Variants in NCOR2 observed in about 807,000 individuals in gnomAD.
NCOR2 encodes the protein CTG repeat protein 26.
In NCOR2, 81 loss-of-function variants were observed where a neutral mutation model predicts 262.9. The ratio of observed to expected loss-of-function variants is 0.31; its 90% CI spans 0.26 to 0.37. The LOEUF (loss-of-function observed/expected upper bound fraction) is 0.37. Among genes scored for constraint, NCOR2 ranks in the 10% least tolerant of loss-of-function variants. The pLI is 1.00. For synonymous variants in NCOR2, 1,659 were observed against 1,559.3 expected (o/e 1.06, Z -1.51); for missense variants, 3,385 against 3,621.4 (o/e 0.93, Z 1.68).
chr12:124,332,218 G>T, intron 43 of NCOR2, 101 bp downstream of exon 45: 2 of 1,453,700 alleles, frequency 1.4e-6, no homozygotes, highest in Non-Finnish European at 1.9e-6. Flanking sequence ...GCTTTCGAAG[G>T]TGCACCGTGG....
At chr12:124,384,618 C>T (rs2040656497) in intron 17 of NCOR2, among the ~76,000 whole-genome samples, 1 of 152,156 alleles carries the variant, frequency 6.6e-6, no homozygotes, top group African/African-American at 2.4e-5. Context: ...CTGCACAGTG[C>T]TTGGGCGGAG....
At chr12:124,565,609 T>C (rs2052212802) in intron 1 of NCOR2, among the ~76,000 whole-genome samples, 1 of 145,674 alleles carries the variant, frequency 6.9e-6, no homozygotes, top group African/African-American at 2.6e-5. Context: ...CCAGACCACG[T>C]TGGATTAAAG....
chr12:124,340,157 T>TGCTGCTGCCCCCCCCCCCGCC, exon 37 of NCOR2: 1 of 1,563,946 alleles, frequency 6.4e-7, no homozygotes, highest in South Asian at 1.1e-5. Flanking sequence ...GCGGGGCGGC[T>TGCTGCTGCCCCCCCCCCCGCC]GCTGCTGCCC....
rs1283375346 is a variant in NCOR2, at chr12:124,566,071, C to G, written c.-165+1237G>C. Among the ~76,000 whole-genome samples, 1 of 152,222 alleles carries G rather than the reference C, an allele frequency of 6.6e-6. No homozygotes were observed. Among genetic ancestry groups the G allele is most frequent in the Non-Finnish European group, 1.5e-5 (1 of 68,030 alleles). On this transcript the variant is annotated intron_variant, in intron 1 of 32. Coordinates refer to the NCOR2 transcript ENST00000458234. The surrounding 1 kb of genome is among the most constrained non-coding windows in gnomAD (Gnocchi z 4.3). ...CAAGGCCACCGGTAACACATCCCAACGCGCCCAGAACTCCCCCACCCCGCC... is the reference window on the plus strand; with the variant it reads ...CAAGGCCACCGGTAACACATCCCAAGGCGCCCAGAACTCCCCCACCCCGCC...
intron 12 of NCOR2, among the ~76,000 whole-genome samples, chr12:124,420,587 C>T (rs2043151267): frequency 6.6e-6 from 1 of 152,216 alleles, no homozygotes. Context: ...CGCGCCTCTT[C>T]CTGGGTTTCC....
chr12:124,505,297 G>A (rs921591097), intron 1 of NCOR2, among the ~76,000 whole-genome samples: 8 of 152,042 alleles, frequency 5.3e-5, no homozygotes, highest in Non-Finnish European at 8.8e-5. Flanking sequence ...GGGGCCCCCC[G>A]GTGCCATGGC....
chr12:124,519,278 T>C (rs974045437), intron 1 of NCOR2, among the ~76,000 whole-genome samples: 21 of 152,054 alleles, frequency 1.4e-4, no homozygotes, highest in Middle Eastern at 3.2e-3. Context: ...CTCCAAGTGC[T>C]CTGGAAAGCA....
At chr12:124,366,609 C>T (rs978533687) in intron 20 of NCOR2, among the ~76,000 whole-genome samples, 2 of 152,124 alleles carry the variant, frequency 1.3e-5, no homozygotes, top group Non-Finnish European at 1.5e-5. Flanking sequence ...TGGGCTCACG[C>T]AATCCTCCCA....
At chr12:124,364,752 T>A (rs1321041547) in intron 20 of NCOR2, among the ~76,000 whole-genome samples, 1 of 152,168 alleles carries the variant, frequency 6.6e-6, no homozygotes, top group African/African-American at 2.4e-5. Context: ...CTGGATCTGC[T>A]CCAGCCTGAG....
intron 1 of NCOR2, among the ~76,000 whole-genome samples, chr12:124,508,292 T>C (rs752191277): frequency 6.6e-5 from 10 of 152,322 alleles, no homozygotes; most frequent in East Asian, 1.9e-4. Flanking sequence ...CCCAGGGGCA[T>C]TGATCAATAA....
In NCOR2 at chr12:124,519,089, T is replaced by TACACAC. The variant is rs57438929; in HGVS notation, c.-118+16470_-118+16475dup. Among the ~76,000 whole-genome samples the TACACAC allele has an allele frequency of 7.0e-4, 68 of 97,308 alleles. 1 individual carries two copies. Among genetic ancestry groups the TACACAC allele is most frequent in the African/African-American group, 1.9e-3 (54 of 28,838 alleles). 63.8% of individuals were successfully genotyped at this position (97,308 alleles called of 152,430 possible). On this transcript the variant is annotated intron_variant, in intron 1 of 46. Transcript: ENST00000404621. ...TAGAAAAGAAGACGTGGCCAAATAA[T>TACACAC]ACACACACACACACACACACACACA...
At chr12:124,413,934 C>G (rs1328810341) in intron 13 of NCOR2, among the ~76,000 whole-genome samples, 1 of 150,354 alleles carries the variant, frequency 6.7e-6, no homozygotes, top group Non-Finnish European at 1.5e-5. Flanking sequence ...CCCCCCACCC[C>G]AGGACTCCCA....
chr12:124,477,401 G>A (rs902508580), intron 3 of NCOR2, among the ~76,000 whole-genome samples: 2 of 152,212 alleles, frequency 1.3e-5, no homozygotes, highest in Admixed American at 6.5e-5. Context: ...GCAGAACTGT[G>A]AGTCAACTAA....
intron 13 of NCOR2, among the ~76,000 whole-genome samples, chr12:124,404,422 C>T (rs1471498597): frequency 6.6e-6 from 1 of 152,232 alleles, no homozygotes; most frequent in Admixed American, 6.5e-5. Context: ...TGTGGCGTCC[C>T]TCCCGATGGG....
intron 27 of NCOR2, among the ~76,000 whole-genome samples, chr12:124,353,582 T>G (rs530803464): frequency 1.6e-4 from 25 of 152,336 alleles, no homozygotes; most frequent in Middle Eastern, 3.4e-3. Flanking sequence ...CACAAAACCT[T>G]GGGTCCACAG....
At chr12:124,350,728 C>T (rs754887514) in exon 28 of NCOR2, 1 of 1,611,162 alleles carries the variant, frequency 6.2e-7, no homozygotes. Flanking sequence ...AGGACGTCAG[C>T]TGGCGTGCCC....
At position 124,389,524 on chromosome 12, in the gene NCOR2, CAG is replaced by C. The variant is rs2041113406; in HGVS notation, c.1877-3639_1877-3638del. On this transcript the variant is annotated intron_variant, in intron 16 of 46. Coordinates refer to ENST00000405201, the Ensembl canonical transcript of NCOR2. The surrounding 1 kb of genome is among the most constrained non-coding windows in gnomAD (Gnocchi z 4.4). ...ACAGAGCTTCTCCACCCCCGGCAGA[CAG>C]GGAGCAAACAGCTTCTTCCGCCATC... Among the ~76,000 whole-genome samples, 1 of 152,148 alleles carries C rather than the reference CAG, an allele frequency of 6.6e-6. No individual in the cohort carries two copies. Among genetic ancestry groups the C allele is most frequent in the South Asian group, 2.1e-4 (1 of 4,830 alleles).
exon 21 of NCOR2, chr12:124,363,685 G>A: frequency 7.2e-7 from 1 of 1,391,326 alleles, no homozygotes; most frequent in East Asian, 2.7e-5. Context: ...TCACGATGGG[G>A]GGGATGGCAG....
exon 11 of NCOR2, chr12:124,426,624 C>G: frequency 6.3e-7 from 1 of 1,581,104 alleles, no homozygotes; most frequent in Non-Finnish European, 8.7e-7. Context: ...GGACTCACTT[C>G]TCCCGGAAGG....
Sources: allele counts gnomAD v4.1 joint callset (sites outside exome capture counted in the v4.1 genomes callset), GRCh38; gene constraint gnomAD v4.1.1; non-coding constraint Gnocchi (gnomAD v3.1); transcripts MANE v1.5; gene names NCBI Gene and HGNC (gene_info 2026-07-23, HGNC 2026-07-21).